PCBP2: variants seen among roughly 807,000 people sequenced by gnomAD.
PCBP2 encodes poly(rC)-binding protein 2.
PCBP2 carries 4 observed loss-of-function variants against 50.1 expected under a neutral mutation model. The ratio of observed to expected loss-of-function variants is 0.08; its 90% CI spans 0.04 to 0.18. PCBP2 has a LOEUF of 0.18. PCBP2 is among the 10% of genes least tolerant of loss of function. The probability of loss-of-function intolerance (pLI) is 1.00; values close to 1 mark genes in which losing one functional copy is unlikely to be tolerated. For missense variants in PCBP2, 161 were observed against 474.3 expected (o/e 0.34, Z 6.14); for synonymous variants, 179 against 168.0 (o/e 1.07, Z -0.51).
At chr12:53,466,676 C>T (rs867722570) in intron 10 of PCBP2, among the ~76,000 whole-genome samples, 4 of 152,152 alleles carry the variant, frequency 2.6e-5, no homozygotes, top group South Asian at 4.1e-4. Context: ...TATTTTATGA[C>T]AGTCAGGACA....
At chr12:53,459,532 G>C in intron 6 of PCBP2, 129 bp downstream of exon 6, 1 of 635,898 alleles carries the variant, frequency 1.6e-6, no homozygotes, top group Non-Finnish European at 2.5e-6. Context: ...GGATTACAAT[G>C]TGATTGTACT....
At chr12:53,468,917 C>CTTTTTTTTTTTTTTTTT (rs5798266) in intron 13 of PCBP2, 85 bp downstream of exon 13, 9 of 574,550 alleles carry the variant, frequency 1.6e-5, no homozygotes, top group African/African-American at 1.5e-4. Flanking sequence ...TCCTGCTACC[C>CTTTTTTTTTTTTTTTTT]TTTTTTTTTT....
At chr12:53,475,019 C>T (rs1379836787) in intron 14 of PCBP2, 2 of 456,596 alleles carry the variant, frequency 4.4e-6, no homozygotes, top group South Asian at 3.1e-5. Context: ...CCGACGCACC[C>T]TCCAGCCTCC....
chr12:53,473,858 AGTCT>A (rs1942396516), intron 14 of PCBP2, among the ~76,000 whole-genome samples: 1 of 151,458 alleles, frequency 6.6e-6, no homozygotes, highest in South Asian at 2.1e-4. Flanking sequence ...TCATGGTGGC[AGTCT>A]GTCCTTTTAT....
At chr12:53,457,113 T>TA (rs1941085438) in intron 5 of PCBP2, among the ~76,000 whole-genome samples, 1 of 152,180 alleles carries the variant, frequency 6.6e-6, no homozygotes, top group African/African-American at 2.4e-5. Flanking sequence ...AGTGCAGTGA[T>TA]ATACCTGTAG....
intron 7 of PCBP2, 140 bp downstream of exon 7, chr12:53,461,283 C>T: frequency 2.3e-6 from 2 of 876,108 alleles, no homozygotes; most frequent in South Asian, 1.7e-5. Context: ...TCCCTGAGTT[C>T]ATATTTTCCT....
At chr12:53,472,004 T>TA (rs552301223) in intron 14 of PCBP2, among the ~76,000 whole-genome samples, 197 bp downstream of exon 14, 10,882 of 130,854 alleles carry the variant, frequency 0.083, 639 homozygotes, top group Middle Eastern at 0.12. Flanking sequence ...AAGGGGTTGG[T>TA]GGGGGGGGGA....
chr12:53,459,881 C>T (rs943066353), intron 6 of PCBP2: 6 of 454,424 alleles, frequency 1.3e-5, no homozygotes, highest in African/African-American at 6.0e-5. Flanking sequence ...TCATCTCAGC[C>T]TCCCAAGGAG....
chr12:53,458,668 C>A (rs1389298539), intron 5 of PCBP2, among the ~76,000 whole-genome samples: 1 of 145,240 alleles, frequency 6.9e-6, no homozygotes, highest in African/African-American at 2.6e-5. Context: ...TTGAGATAGT[C>A]TCACTCTGTT....
intron 13 of PCBP2, among the ~76,000 whole-genome samples, chr12:53,470,756 G>GTTT (rs11377192): frequency 1.4e-4 from 19 of 138,266 alleles, no homozygotes; most frequent in Non-Finnish European, 1.7e-4. Flanking sequence ...ATGTTAACCA[G>GTTT]TTTTTTTTTT....
chr12:53,455,792 A>AT, intron 4 of PCBP2, 93 bp from the exon 5 acceptor site: 2 of 850,174 alleles, frequency 2.4e-6, no homozygotes, highest in Non-Finnish European at 3.9e-6. Context: ...CATCAGGATC[A>AT]TGTACATTGG....
chr12:53,458,916 A>G (rs1941244848), intron 5 of PCBP2, among the ~76,000 whole-genome samples: 1 of 152,136 alleles, frequency 6.6e-6, no homozygotes, highest in African/African-American at 2.4e-5. Flanking sequence ...CTGGGATTAC[A>G]AGCTTGAGCT....
At chr12:53,465,298 G>T (rs776898760) in intron 9 of PCBP2, among the ~76,000 whole-genome samples, 14 of 151,834 alleles carry the variant, frequency 9.2e-5, no homozygotes, top group South Asian at 8.3e-4. Context: ...GTTATGTTGT[G>T]GGGGGGAGGA....
intron 14 of PCBP2, among the ~76,000 whole-genome samples, chr12:53,477,252 C>T (rs1942651011): frequency 6.6e-6 from 1 of 152,136 alleles, no homozygotes; most frequent in Non-Finnish European, 1.5e-5. Context: ...CTAATGGTAT[C>T]TAGCAGTTCC....
At chr12:53,460,380 C>G (rs534968172) in intron 6 of PCBP2, 2 of 402,076 alleles carry the variant, frequency 5.0e-6, no homozygotes, top group African/African-American at 4.2e-5. Flanking sequence ...CCTGAGCTTC[C>G]GATGATTCGA....
intron 14 of PCBP2, 47 bp downstream of exon 14, chr12:53,471,854 T>C (rs1942257819): frequency 3.9e-6 from 6 of 1,531,940 alleles, no homozygotes; most frequent in Non-Finnish European, 5.4e-6. Flanking sequence ...CACAGTAATG[T>C]GTGTGTTGGG....
intron 13 of PCBP2, among the ~76,000 whole-genome samples, chr12:53,470,756 GTTT>G (rs11377192): frequency 7.2e-6 from 1 of 138,300 alleles, no homozygotes. Context: ...ATGTTAACCA[GTTT>G]TTTTTTTTTT....
chr12:53,459,853 C>T, intron 6 of PCBP2: 1 of 454,406 alleles, frequency 2.2e-6, no homozygotes, highest in Non-Finnish European at 4.4e-6. Context: ...TCGACCTTCC[C>T]AGCCTCAGGC....
intron 2 of PCBP2, 60 bp downstream of exon 2, chr12:53,454,929 C>G: frequency 7.4e-7 from 1 of 1,356,088 alleles, no homozygotes; most frequent in Admixed American, 1.7e-5. Context: ...CCAGGAAGAG[C>G]AGACATGCAT....
Sources: gnomAD v4.1 joint callset for allele counts (sites outside exome capture counted in the v4.1 genomes callset) on GRCh38, gnomAD v4.1.1 for gene constraint, MANE v1.5 for transcripts, NCBI Gene and HGNC (gene_info 2026-07-23, HGNC 2026-07-21) for gene names.